Variants in AP2A2 observed in about 807,000 individuals in gnomAD.
AP2A2 encodes AP-2 complex subunit alpha-2.
A neutral mutation model predicts 104.2 loss-of-function variants in AP2A2; 32 were observed. The ratio of observed to expected loss-of-function variants is 0.31; its 90% CI spans 0.23 to 0.41. The LOEUF is 0.41. AP2A2 is among the 10% of genes least tolerant of loss of function. AP2A2 has a pLI of 1.00. For missense variants in AP2A2, 912 were observed against 1,261.0 expected, an observed-to-expected ratio of 0.72 and a Z score of 4.19; for synonymous variants, 539 against 533.3, an observed-to-expected ratio of 1.01 and a Z score of -0.15.
At position 992,788 on chromosome 11, in the gene AP2A2, G is replaced by T. The variant is rs996516486; in HGVS notation, c.1452+103G>T. The T allele has an allele frequency of 1.2e-4, 158 of 1,292,520 alleles. No homozygotes were observed. The highest frequency in any genetic ancestry group is 1.6e-4 in the Non-Finnish European group (146 of 913,990). 80.1% of individuals were successfully genotyped at this position (1,292,520 alleles called of 1,614,324 possible). A position where few individuals can be genotyped will look rare whatever the true frequency, so the allele number is the denominator to read the frequency against. On this transcript the variant is annotated intron_variant, in intron 11 of 21. Transcript: ENST00000448903. This position sits in a 1 kb window ranked among gnomAD's most constrained non-coding sequence, Gnocchi z 6.4. ...CTGCGTGGAGGTGCCGAGGGCCGTT[G>T]CTGACCCCTCTTGCCCCTCAGCTCT...
chr11:936,256 A>C (rs1853457345), intron 1 of AP2A2, among the ~76,000 whole-genome samples: 1 of 129,824 alleles, frequency 7.7e-6, no homozygotes, highest in Non-Finnish European at 1.6e-5. Flanking sequence ...GCTGTCGCCC[A>C]GGCTGGAGTG....
intron 1 of AP2A2, among the ~76,000 whole-genome samples, chr11:952,900 TA>T: frequency 6.6e-6 from 1 of 152,122 alleles, no homozygotes. Context: ...CCCTCTGCCT[TA>T]TGGAGATCAG....
At chr11:982,165 C>T (rs369892003) in intron 6 of AP2A2, among the ~76,000 whole-genome samples, 90 of 152,346 alleles carry the variant, frequency 5.9e-4, no homozygotes, top group African/African-American at 2.1e-3. Context: ...ATTCTCCTGC[C>T]TCAGCCTCCA....
Position 993,818 on chromosome 11 carries a change from C to T in AP2A2, c.1615C>T (p.Leu539=). 5 of 1,608,444 alleles carry T rather than the reference C, an allele frequency of 3.1e-6. No individual in the cohort carries two copies. Among genetic ancestry groups the T allele is most frequent in the Non-Finnish European group, 4.2e-6 (5 of 1,179,600 alleles). ...FHLCSVPTRA[L]LLSTYIKFVN... is the part of the protein sequence containing the mutation. The stretch of plus-strand genomic sequence containing the variant: ...CCTGTGCAGCGTCCCCACCCGCGCG[C>T]TGCTCCTGTCCACCTACATCAAGTT... The change falls in exon 13 of 22, where the codon CTG becomes TTG. Residue 539 remains leucine (L), a synonymous_variant. Transcript: ENST00000448903. The surrounding 1 kb of genome is among the most constrained non-coding windows in gnomAD (Gnocchi z 8.2).
In AP2A2 at chr11:972,577, G is replaced by A. The variant is rs555116474; in HGVS notation, c.473+322G>A. 5.3e-5 allele frequency among the ~76,000 whole-genome samples: 8 copies of A among 152,248 alleles called. 1 individual carries two copies. Among genetic ancestry groups the A allele is most frequent in the African/African-American group, 1.2e-4 (5 of 41,546 alleles). ...CCAGTTGTGGTGGCGTGCTCCTGTC[G>A]TCCCAGCTACTTGGTAGGCTGAGGC... On this transcript the variant is annotated intron_variant, in intron 4 of 21. Transcript: ENST00000448903.
At chr11:952,530 A>G (rs1273855557) in intron 1 of AP2A2, among the ~76,000 whole-genome samples, 1 of 152,210 alleles carries the variant, frequency 6.6e-6, no homozygotes, top group Admixed American at 6.5e-5. Context: ...CTCATTAGCC[A>G]CCAGAGCTCC....
intron 18 of AP2A2, 44 bp from the exon 19 acceptor site, chr11:1,009,056 A>T: frequency 1.3e-6 from 2 of 1,497,246 alleles, no homozygotes; most frequent in African/African-American, 2.8e-5. Flanking sequence ...GGGCTCTCAG[A>T]GGAGTAGCTG....
At chr11:976,114 C>G (rs1247469604) in intron 4 of AP2A2, among the ~76,000 whole-genome samples, 2 of 152,202 alleles carry the variant, frequency 1.3e-5, no homozygotes, top group Admixed American at 6.5e-5. Context: ...GGAACACACC[C>G]CTGACGTGGC....
At position 977,233 on chromosome 11, in the gene AP2A2, C is replaced by G. The variant is rs1244121140; in HGVS notation, c.603+9C>G. On this transcript the variant is annotated intron_variant, in intron 5 of 21. Coordinates refer to ENST00000448903, the MANE Select transcript of AP2A2 (RefSeq NM_012305.4). ...TCAATGACCAGCACTTGGTAAGCAC[C>G]CTTGGCTTTGGTTCTCCCCGCTCCC... 6.3e-7 allele frequency: 1 copy of G among 1,578,688 alleles called. No individual in the cohort carries two copies. Among genetic ancestry groups the G allele is most frequent in the Non-Finnish European group, 8.6e-7 (1 of 1,158,536 alleles).
Position 993,223 on chromosome 11 carries a change from C to T in AP2A2, c.1453-61C>T, listed in dbSNP as rs1855721367. Reference sequence around the variant, plus strand: ...GTAGGGTGCACCGCGCCAGGACGTGCCCGCCTCGCCTTAACTCTGGCACCT... The same window carrying T: ...GTAGGGTGCACCGCGCCAGGACGTGTCCGCCTCGCCTTAACTCTGGCACCT... On this transcript the variant is annotated intron_variant, in intron 11 of 21. Transcript: ENST00000448903. This position sits in a 1 kb window ranked among gnomAD's most constrained non-coding sequence, Gnocchi z 8.2. The T allele has an allele frequency of 1.4e-6, 2 of 1,397,002 alleles. No homozygotes were observed. The highest frequency in any genetic ancestry group is 4.6e-5 in the Admixed American group (2 of 43,522). The allele number at this position is 1,397,002 out of a possible 1,614,324, so 86.5% of individuals were successfully genotyped here. A position where few individuals can be genotyped will look rare whatever the true frequency, so the allele number is the denominator to read the frequency against.
At chr11:983,534 C>T (rs1276122654) in intron 6 of AP2A2, among the ~76,000 whole-genome samples, 1 of 151,992 alleles carries the variant, frequency 6.6e-6, no homozygotes, top group Non-Finnish European at 1.5e-5. Flanking sequence ...AGGCGCCCGC[C>T]ACCATGCCTG....
intron 2 of AP2A2, among the ~76,000 whole-genome samples, chr11:969,848 G>T (rs550027961): frequency 6.6e-6 from 1 of 152,342 alleles, no homozygotes; most frequent in East Asian, 1.9e-4. Context: ...TGGGATTTTG[G>T]CTGGTCGGAG....
intron 1 of AP2A2, among the ~76,000 whole-genome samples, chr11:934,097 A>G (rs955442848): frequency 6.6e-6 from 1 of 151,892 alleles, no homozygotes; most frequent in African/African-American, 2.4e-5. Context: ...CCTGACTCCC[A>G]TGCTAGGTTC....
intron 2 of AP2A2, among the ~76,000 whole-genome samples, chr11:962,113 G>A (rs911953049): frequency 1.3e-5 from 2 of 152,252 alleles, no homozygotes; most frequent in Non-Finnish European, 1.5e-5. Flanking sequence ...AAAGGGCTGC[G>A]CCCTGGCACC....
rs747444391 is a variant in AP2A2, at chr11:1,011,315, C to T, written c.*690C>T. The stretch of plus-strand genomic sequence containing the variant: ...CTTGGATGTGCAGCCAGGGGAGGAG[C>T]GTCCTGCCGGCCCCGCAGGGCCCCC... On this transcript the variant is annotated 3_prime_UTR_variant, in exon 22 of 22. Coordinates refer to ENST00000448903, the MANE Select transcript of AP2A2 (RefSeq NM_012305.4). 7 of 518,654 alleles carry T rather than the reference C, an allele frequency of 1.3e-5. No homozygotes were observed. Among genetic ancestry groups the T allele is most frequent in the East Asian group, 5.4e-5 (1 of 18,362 alleles). 32.1% of individuals were successfully genotyped at this position (518,654 alleles called of 1,614,324 possible).
chr11:993,427 C>G lies in AP2A2; in HGVS notation c.1550+46C>G. The G allele has an allele frequency of 6.8e-7, 1 of 1,468,596 alleles. No individual in the cohort carries two copies. The highest frequency in any genetic ancestry group is 1.4e-5 in the African/African-American group (1 of 70,396). 91.0% of individuals were successfully genotyped at this position (1,468,596 alleles called of 1,614,324 possible). On this transcript the variant is annotated intron_variant, in intron 12 of 21. Coordinates refer to ENST00000448903, the MANE Select transcript of AP2A2 (RefSeq NM_012305.4). This position sits in a 1 kb window ranked among gnomAD's most constrained non-coding sequence, Gnocchi z 8.2. ...CGGGGCTGTGTGCGCTCCGGCGGGC[C>G]TCTCGGTGGTCGGTGGCAAGAGGCG...
At chr11:987,148 G>A (rs1855488775) in intron 9 of AP2A2, among the ~76,000 whole-genome samples, 195 bp downstream of exon 9, 1 of 152,246 alleles carries the variant, frequency 6.6e-6, no homozygotes, top group Non-Finnish European at 1.5e-5. Flanking sequence ...GAGATGGCCG[G>A]GTTGGCCCTG....
intron 1 of AP2A2, among the ~76,000 whole-genome samples, chr11:941,781 T>C (rs189426037): frequency 1.1e-3 from 165 of 145,910 alleles, no homozygotes; most frequent in African/African-American, 4.1e-3. Context: ...AGACATGGGG[T>C]TTTGCCATGT....
intron 10 of AP2A2, among the ~76,000 whole-genome samples, chr11:990,855 TC>T (rs1404125179): frequency 7.3e-6 from 1 of 136,762 alleles, no homozygotes; most frequent in Non-Finnish European, 1.6e-5. Flanking sequence ...CCCCACCCCA[TC>T]CTTTCAGCTG....
Sources: allele counts gnomAD v4.1 joint callset (sites outside exome capture counted in the v4.1 genomes callset), GRCh38; gene constraint gnomAD v4.1.1; non-coding constraint Gnocchi (gnomAD v3.1); transcripts MANE v1.5; gene names NCBI Gene and HGNC (gene_info 2026-07-23, HGNC 2026-07-21).